BTBD10: variants seen among roughly 807,000 people sequenced by gnomAD.
The protein encoded by BTBD10 is BTB domain containing 10.
A neutral mutation model predicts 53.2 loss-of-function variants in BTBD10; 21 were observed. The ratio of observed to expected loss-of-function variants is 0.39; its 90% CI spans 0.28 to 0.57. The LOEUF (loss-of-function observed/expected upper bound fraction) is 0.57. Ranked by LOEUF, BTBD10 falls within the 20% of genes least tolerant of loss-of-function variation. BTBD10 has a pLI of 0.53. For synonymous variants in BTBD10, 149 were observed against 192.7 expected (o/e 0.77, Z 1.88); for missense variants, 360 against 594.7 (o/e 0.61, Z 4.10).
chr11:13,450,945 C>T (rs917953265), intron 1 of BTBD10, among the ~76,000 whole-genome samples: 29 of 152,170 alleles, frequency 1.9e-4, no homozygotes, highest in African/African-American at 7.0e-4. Context: ...AACAGAATCA[C>T]GAGTTCAGTT....
intron 1 of BTBD10, among the ~76,000 whole-genome samples, chr11:13,451,319 A>G (rs1177458096): frequency 6.6e-6 from 1 of 152,188 alleles, no homozygotes; most frequent in Non-Finnish European, 1.5e-5. Flanking sequence ...CCAGCAGCAG[A>G]AAGCTGAATC....
chr11:13,462,556 C>T (rs1250257908), intron 1 of BTBD10: 1 of 152,212 alleles, frequency 6.6e-6, no homozygotes, highest in Non-Finnish European at 1.5e-5. Context: ...TGTCAGGGCA[C>T]CTGCATCTGA....
At chr11:13,411,319 T>C (rs1169980337) in intron 6 of BTBD10, among the ~76,000 whole-genome samples, 1 of 152,184 alleles carries the variant, frequency 6.6e-6, no homozygotes, top group Non-Finnish European at 1.5e-5. Flanking sequence ...AATTAAGATA[T>C]AAGCCCAGAT....
intron 8 of BTBD10, among the ~76,000 whole-genome samples, chr11:13,399,127 T>C (rs1349197866): frequency 6.6e-6 from 1 of 152,222 alleles, no homozygotes; most frequent in Non-Finnish European, 1.5e-5. Context: ...TCCTGGATAA[T>C]ATCCTGCAGA....
intron 5 of BTBD10, among the ~76,000 whole-genome samples, chr11:13,416,777 G>A (rs1359715473): frequency 6.6e-6 from 1 of 152,104 alleles, no homozygotes; most frequent in Non-Finnish European, 1.5e-5. Flanking sequence ...TGGAGTTCGA[G>A]AACAGCCTAG....
chr11:13,444,960 T>C lies in BTBD10; in HGVS notation c.101+64A>G, dbSNP rs896966739. The C allele has an allele frequency of 1.4e-5, 18 of 1,281,848 alleles. No homozygotes were observed. The African/African-American group carries it at 1.8e-4, about 13-fold the overall frequency. The allele number at this position is 1,281,848 out of a possible 1,614,324, so 79.4% of individuals were successfully genotyped here. A position where few individuals can be genotyped will look rare whatever the true frequency, so the allele number is the denominator to read the frequency against. On this transcript the variant is annotated intron_variant, in intron 2 of 8. Coordinates refer to ENST00000278174, the MANE Select transcript of BTBD10 (RefSeq NM_032320.7). ...CAGGAATTGCCACAACCAAATGCAG[T>C]AGTATTCTTTACAATCAGTTTTTAG...
intron 1 of BTBD10, among the ~76,000 whole-genome samples, chr11:13,459,279 C>T (rs572992011): frequency 1.1e-4 from 17 of 151,912 alleles, no homozygotes; most frequent in Admixed American, 9.8e-4. Flanking sequence ...GGGATGGTCT[C>T]GATCTCCTGA....
chr11:13,425,394 G>A (rs557183821), intron 2 of BTBD10, among the ~76,000 whole-genome samples: 1 of 152,050 alleles, frequency 6.6e-6, no homozygotes, highest in Non-Finnish European at 1.5e-5. Flanking sequence ...ACACACAAAT[G>A]AGGTAAAATT....
intron 1 of BTBD10, among the ~76,000 whole-genome samples, chr11:13,450,254 T>C (rs932549602): frequency 1.3e-5 from 2 of 152,116 alleles, no homozygotes; most frequent in Non-Finnish European, 1.5e-5. Flanking sequence ...GACAGTTAAA[T>C]GTCCTAAGAT....
intron 2 of BTBD10, among the ~76,000 whole-genome samples, chr11:13,426,915 T>C (rs1950349510): frequency 6.6e-6 from 1 of 152,206 alleles, no homozygotes; most frequent in African/African-American, 2.4e-5. Context: ...GCCTTAGCCA[T>C]TTAGATGTAA....
chr11:13,402,322 A>T (rs2135763183), intron 8 of BTBD10, among the ~76,000 whole-genome samples: 1 of 152,268 alleles, frequency 6.6e-6, no homozygotes. Flanking sequence ...ATATACTGCA[A>T]ACTTACTATG....
chr11:13,399,897 T>G (rs890030278), intron 8 of BTBD10, among the ~76,000 whole-genome samples: 4 of 152,178 alleles, frequency 2.6e-5, no homozygotes, highest in Non-Finnish European at 5.9e-5. Context: ...TGCCTGATCG[T>G]TCCTCTGGAA....
intron 2 of BTBD10, among the ~76,000 whole-genome samples, chr11:13,443,636 C>T (rs1405616601): frequency 2.0e-5 from 3 of 151,870 alleles, no homozygotes; most frequent in Non-Finnish European, 4.4e-5. Flanking sequence ...ACTCTGTCAC[C>T]CAGGCTGGAA....
chr11:13,396,382 A>G lies in BTBD10; in HGVS notation c.1117+6786T>C, dbSNP rs528755389. Among the ~76,000 whole-genome samples the G allele has an allele frequency of 6.6e-5, 10 of 152,312 alleles. No individual in the cohort carries two copies. The East Asian group carries it at 1.5e-3, about 24-fold the overall frequency. On this transcript the variant is annotated intron_variant, in intron 8 of 8. Transcript: ENST00000278174. ...TAAGAATGCTTGTTGAGTTTTGCAC[A>G]TTGATTTTGTATCCTGAGACTTTGC... is the stretch of plus-strand genomic sequence containing the variant.
intron 2 of BTBD10, chr11:13,439,838 T>C: frequency 1.4e-6 from 2 of 1,417,558 alleles, no homozygotes; most frequent in South Asian, 1.4e-5. Flanking sequence ...TTCATATATG[T>C]AAATAATTAT....
At chr11:13,436,556 C>G (rs574327023) in intron 2 of BTBD10, among the ~76,000 whole-genome samples, 1 of 152,150 alleles carries the variant, frequency 6.6e-6, no homozygotes, top group African/African-American at 2.4e-5. Context: ...CCCAATTTTA[C>G]AGCTGAGAAA....
intron 8 of BTBD10, among the ~76,000 whole-genome samples, chr11:13,399,126 A>T (rs1288207039): frequency 2.6e-5 from 4 of 152,166 alleles, no homozygotes; most frequent in East Asian, 3.8e-4. Context: ...CTCCTGGATA[A>T]TATCCTGCAG....
chr11:13,396,237 C>A (rs1291113204), intron 8 of BTBD10, among the ~76,000 whole-genome samples: 1 of 152,104 alleles, frequency 6.6e-6, no homozygotes, highest in African/African-American at 2.4e-5. Context: ...TGTAGTTCTC[C>A]TTGAAGAGGT....
intron 2 of BTBD10, among the ~76,000 whole-genome samples, chr11:13,423,907 A>G (rs530964581): frequency 6.6e-6 from 1 of 152,300 alleles, no homozygotes; most frequent in African/African-American, 2.4e-5. Flanking sequence ...ACAGAGAAAA[A>G]TTCTACTCCC....
Sources: allele counts gnomAD v4.1 joint callset (sites outside exome capture counted in the v4.1 genomes callset), GRCh38; gene constraint gnomAD v4.1.1; transcripts MANE v1.5; gene names NCBI Gene and HGNC (gene_info 2026-07-23, HGNC 2026-07-21).